LIPA: variants seen among roughly 807,000 people sequenced by gnomAD.
The protein encoded by LIPA is lipase A, lysosomal acid type.
A neutral mutation model predicts 40.6 loss-of-function variants in LIPA; 26 were observed. The ratio of observed to expected loss-of-function variants is 0.64; its 90% CI spans 0.47 to 0.89. The LOEUF is 0.89. Ranked by LOEUF, LIPA falls within the 40% of genes least tolerant of loss-of-function variation. The pLI is 0.00. For synonymous variants in LIPA, 188 were observed against 168.4 expected (o/e 1.12, Z -0.90); for missense variants, 455 against 479.6 (o/e 0.95, Z 0.48).
intron 1 of LIPA, chr10:89,308,475 C>G (rs1843497380): frequency 6.6e-6 from 1 of 152,128 alleles, no homozygotes; most frequent in Non-Finnish European, 1.5e-5. Flanking sequence ...GTGGGGTTTT[C>G]CCCCCTTTAG....
At chr10:89,341,289 A>G (rs1843867474) in intron 1 of LIPA, among the ~76,000 whole-genome samples, 2 of 152,186 alleles carry the variant, frequency 1.3e-5, no homozygotes, top group Non-Finnish European at 2.9e-5. Flanking sequence ...GAGGGACATC[A>G]GTGTGAGGCT....
At chr10:89,353,445 CA>C (rs1843970717) in intron 2 of LIPA, among the ~76,000 whole-genome samples, 1 of 152,162 alleles carries the variant, frequency 6.6e-6, no homozygotes, top group South Asian at 2.1e-4. Flanking sequence ...GTAGACAGCC[CA>C]ACCCAAGGGA....
At chr10:89,248,134 G>C (rs1451166392) in intron 1 of LIPA, among the ~76,000 whole-genome samples, 1 of 149,708 alleles carries the variant, frequency 6.7e-6, no homozygotes, top group Non-Finnish European at 1.5e-5. Flanking sequence ...CAAAGTGCTG[G>C]GATTACAGGC....
chr10:89,305,708 A>G (rs1171079279), intron 1 of LIPA, among the ~76,000 whole-genome samples: 1 of 152,172 alleles, frequency 6.6e-6, no homozygotes, highest in Non-Finnish European at 1.5e-5. Flanking sequence ...CTTATTCATG[A>G]AAACCTAGCC....
intron 1 of LIPA, among the ~76,000 whole-genome samples, chr10:89,272,280 A>G (rs866400914): frequency 6.0e-5 from 9 of 151,168 alleles, no homozygotes; most frequent in Middle Eastern, 3.4e-3. Flanking sequence ...TCCAATGTGC[A>G]TTGTTCCCCT....
In LIPA at chr10:89,296,822, T is replaced by C. The variant is rs545204747; in HGVS notation, c.-2+45789A>G. Among the ~76,000 whole-genome samples the C allele has an allele frequency of 5.3e-5, 8 of 152,332 alleles. No homozygotes were observed. In the East Asian group the frequency reaches 1.3e-3, roughly 26 times the overall value. ...TTTTCTTTTGGGCCTATATACATGA[T>C]TACCCCCTTTGTGACTAAGGGTATG... On this transcript the variant is annotated intron_variant, in intron 1 of 5. Transcript: ENST00000282673.
chr10:89,343,472 T>C (rs186723707), upstream of LIPA, among the ~76,000 whole-genome samples: 7 of 152,280 alleles, frequency 4.6e-5, no homozygotes, highest in African/African-American at 7.2e-5. Flanking sequence ...GTTTCTATCA[T>C]TGTCTTGCGG....
chr10:89,408,205 T>C (rs912451942), intron 2 of LIPA, among the ~76,000 whole-genome samples: 8 of 152,164 alleles, frequency 5.3e-5, no homozygotes, highest in Non-Finnish European at 7.4e-5. Context: ...GGCTCATTTT[T>C]TTCTGTGCTA....
intron 2 of LIPA, among the ~76,000 whole-genome samples, chr10:89,383,144 T>C (rs75726206): frequency 0.013 from 1,955 of 152,346 alleles, 43 homozygotes; most frequent in East Asian, 0.092. Flanking sequence ...CCCCTTGGTT[T>C]TTATGTCAAC....
At chr10:89,402,208 A>C in intron 2 of LIPA, 4 of 890,684 alleles carry the variant, frequency 4.5e-6, no homozygotes, top group Non-Finnish European at 7.1e-6. Context: ...ACTAAAATAC[A>C]AGGTATTTTA....
intron 1 of LIPA, among the ~76,000 whole-genome samples, chr10:89,316,280 C>T (rs557325696): frequency 7.9e-5 from 12 of 152,304 alleles, no homozygotes; most frequent in African/African-American, 1.2e-4. Flanking sequence ...TCGCCTCACC[C>T]GGGAAGTGCA....
At chr10:89,402,432 G>T in intron 2 of LIPA, 1 of 1,614,118 alleles carries the variant, frequency 6.2e-7, no homozygotes, top group Non-Finnish European at 8.5e-7. Flanking sequence ...ATACAGTGTG[G>T]GAATACACAA....
intron 1 of LIPA, among the ~76,000 whole-genome samples, chr10:89,327,441 C>T (rs1843610390): frequency 2.0e-5 from 3 of 152,014 alleles, no homozygotes; most frequent in Non-Finnish European, 4.4e-5. Flanking sequence ...ATCCCAGCTA[C>T]TCGGGAGGCT....
At chr10:89,256,068 C>A (rs541923063), upstream of LIPA, among the ~76,000 whole-genome samples, 1 of 152,330 alleles carries the variant, frequency 6.6e-6, no homozygotes, top group African/African-American at 2.4e-5. Flanking sequence ...TGGACCTCCC[C>A]TTCTTTCTTC....
intron 1 of LIPA, among the ~76,000 whole-genome samples, chr10:89,305,094 G>A (rs572474194): frequency 6.6e-6 from 1 of 152,012 alleles, no homozygotes; most frequent in South Asian, 2.1e-4. Flanking sequence ...TAGAGGTATG[G>A]GGGGGAGGGG....
At chr10:89,312,985 A>T (rs1843524135) in intron 1 of LIPA, among the ~76,000 whole-genome samples, 1 of 152,098 alleles carries the variant, frequency 6.6e-6, no homozygotes, top group Non-Finnish European at 1.5e-5. Context: ...GCATACCTAG[A>T]ATACACTCTA....
intron 2 of LIPA, among the ~76,000 whole-genome samples, chr10:89,410,148 G>T (rs1340820273): frequency 2.6e-5 from 4 of 152,220 alleles, no homozygotes. Context: ...AAGGGTAGTT[G>T]TGGCAGTGGC....
chr10:89,338,933 G>T (rs1589611717), intron 1 of LIPA: 2 of 1,614,150 alleles, frequency 1.2e-6, no homozygotes, highest in South Asian at 2.2e-5. Flanking sequence ...GAAATCAGAA[G>T]TCTAGTCACT....
At chr10:89,222,410 T>C in intron 8 of LIPA, 101 bp downstream of exon 8, 1 of 804,470 alleles carries the variant, frequency 1.2e-6, no homozygotes, top group Non-Finnish European at 2.2e-6. Flanking sequence ...CCAGATCAGA[T>C]TTGTAAGCAG....
Sources: allele counts gnomAD v4.1 joint callset (sites outside exome capture counted in the v4.1 genomes callset), GRCh38; gene constraint gnomAD v4.1.1; transcripts MANE v1.5; gene names NCBI Gene and HGNC (gene_info 2026-07-23, HGNC 2026-07-21).